DHRSX: variants seen among roughly 807,000 people sequenced by gnomAD.
DHRSX encodes the protein polyprenol dehydrogenase.
DHRSX carries 31 observed loss-of-function variants against 34.0 expected under a neutral mutation model. That is an observed-to-expected ratio of 0.91 (90% CI 0.69 to 1.23). DHRSX has a LOEUF of 1.23. Among genes scored for constraint, DHRSX ranks in the 50% most tolerant of loss-of-function variants. The pLI is 0.00. For synonymous variants in DHRSX, 201 were observed against 183.8 expected (o/e 1.09, Z -0.76); for missense variants, 414 against 428.1 (o/e 0.97, Z 0.29).
rs1279891880 is a variant in DHRSX, at chrX:2,302,611, A to AT, written c.287-11009_287-11008insA. 1.0e-3 allele frequency among the ~76,000 whole-genome samples: 145 copies of AT among 140,234 alleles called. 1 individual carries two copies. The highest frequency in any genetic ancestry group is 3.2e-3 in the African/African-American group (120 of 37,278). The allele number at this position is 140,234 out of a possible 152,430, so 92.0% of individuals were successfully genotyped here. A position where few individuals can be genotyped will look rare whatever the true frequency, so the allele number is the denominator to read the frequency against. The stretch of plus-strand genomic sequence containing the variant: ...TGGGTGACAGAGCCAGACTGTCTCA[A>AT]AAAATAAATAAATAAATAAATAAAG... On this transcript the variant is annotated intron_variant, in intron 3 of 6. Transcript: ENST00000334651.
rs780880457 is a variant in DHRSX at position 2,243,243 on chromosome X, C to T, written c.597-13G>A. On this transcript the variant is annotated splice_polypyrimidine_tract_variant and intron_variant, in intron 5 of 6. Coordinates refer to ENST00000334651, the MANE Select transcript of DHRSX (RefSeq NM_145177.3). ...TGAGTAGCAGGCACTGTGGGGCAAGCAGGAGAAGGTGTAAGAGGCTGACGG... is the reference window on the plus strand; with the variant it reads ...TGAGTAGCAGGCACTGTGGGGCAAGTAGGAGAAGGTGTAAGAGGCTGACGG... The T allele has an allele frequency of 6.2e-6, 10 of 1,612,444 alleles. No homozygotes were observed. The highest frequency in any genetic ancestry group is 1.7e-4 in the Middle Eastern group (1 of 5,890).
chrX:2,490,443 C>A, intron 1 of DHRSX: 1 of 1,613,936 alleles, frequency 6.2e-7, no homozygotes, highest in Non-Finnish European at 8.5e-7. Flanking sequence ...TTGGAGAAGG[C>A]GGTGGCGAAG....
intron 6 of DHRSX, among the ~76,000 whole-genome samples, chrX:2,230,250 C>T (rs771316865): frequency 3.9e-5 from 6 of 152,268 alleles, no homozygotes; most frequent in African/African-American, 9.6e-5. Flanking sequence ...CACATGTGTA[C>T]GTGCACACAC....
At chrX:2,259,101 C>T (rs1414109057) in intron 5 of DHRSX, among the ~76,000 whole-genome samples, 2 of 151,952 alleles carry the variant, frequency 1.3e-5, no homozygotes, top group Non-Finnish European at 1.5e-5. Context: ...GGTGAACCCC[C>T]GTCTCTACTA....
chrX:2,390,513 C>T (rs2043323621), intron 3 of DHRSX, among the ~76,000 whole-genome samples: 1 of 151,998 alleles, frequency 6.6e-6, no homozygotes, highest in Non-Finnish European at 1.5e-5. Context: ...ACCATTTTTA[C>T]GTACACAGTA....
chrX:2,313,001 T>C (rs1384523244), intron 3 of DHRSX, among the ~76,000 whole-genome samples: 1 of 101,754 alleles, frequency 9.8e-6, no homozygotes, highest in Non-Finnish European at 2.0e-5. Context: ...AGCTTCAAGA[T>C]ATATATTTTT....
At chrX:2,334,164 A>G (rs1428568031) in intron 3 of DHRSX, 1 of 53,428 alleles carries the variant, frequency 1.9e-5, no homozygotes, top group African/African-American at 9.9e-5. Context: ...TTAACTCAAA[A>G]GTATGCTTTT....
intron 3 of DHRSX, among the ~76,000 whole-genome samples, chrX:2,320,231 C>A (rs375643218): frequency 2.6e-5 from 4 of 150,958 alleles, no homozygotes; most frequent in African/African-American, 9.7e-5. Flanking sequence ...TTACATATTG[C>A]GCTGTTGTGG....
intron 3 of DHRSX, among the ~76,000 whole-genome samples, chrX:2,324,116 A>G (rs1465275970): frequency 1.3e-5 from 2 of 152,122 alleles, no homozygotes; most frequent in Non-Finnish European, 2.9e-5. Context: ...TTTGTAATTA[A>G]AAGTAATTTC....
At chrX:2,450,753 T>C (rs1356274214) in intron 1 of DHRSX, among the ~76,000 whole-genome samples, 3 of 151,870 alleles carry the variant, frequency 2.0e-5, no homozygotes, top group East Asian at 1.9e-4. Context: ...AGCTTAACTA[T>C]TACTGTATGT....
At chrX:2,285,307 A>G (rs1236636039) in intron 4 of DHRSX, among the ~76,000 whole-genome samples, 2 of 152,098 alleles carry the variant, frequency 1.3e-5, no homozygotes, top group African/African-American at 4.8e-5. Flanking sequence ...TCTGGGGGTG[A>G]TGGGAGACAG....
chrX:2,356,773 C>G (rs28727945), intron 3 of DHRSX, among the ~76,000 whole-genome samples: 1 of 152,202 alleles, frequency 6.6e-6, no homozygotes, highest in African/African-American at 2.4e-5. Flanking sequence ...AATGTAGTTT[C>G]TCTTTCTCAT....
chrX:2,375,012 G>GTGAGCCAGATAGCACCACTA (rs1469733661), intron 3 of DHRSX, among the ~76,000 whole-genome samples: 1 of 138,022 alleles, frequency 7.2e-6, no homozygotes, highest in Non-Finnish European at 1.7e-5. Context: ...AGAGGCTGCA[G>GTGAGCCAGATAGCACCACTA]TGAGCCAGAT....
At chrX:2,298,616 A>ACGCACG (rs1556457303) in intron 3 of DHRSX, among the ~76,000 whole-genome samples, 2 of 138,372 alleles carry the variant, frequency 1.4e-5, no homozygotes, top group African/African-American at 6.7e-5. Context: ...ACACACACAC[A>ACGCACG]CACACACACA....
At chrX:2,353,755 G>GT (rs60499171) in intron 3 of DHRSX, among the ~76,000 whole-genome samples, 24 of 150,716 alleles carry the variant, frequency 1.6e-4, no homozygotes, top group African/African-American at 3.2e-4. Context: ...AGCTAATTTT[G>GT]TTTTTTTTTA....
intron 4 of DHRSX, among the ~76,000 whole-genome samples, chrX:2,272,368 G>A (rs2041569282): frequency 6.6e-6 from 1 of 152,134 alleles, no homozygotes; most frequent in Non-Finnish European, 1.5e-5. Flanking sequence ...TGCATGCATG[G>A]TTTTGAAAGG....
chrX:2,282,347 A>G (rs750807152), intron 4 of DHRSX, among the ~76,000 whole-genome samples: 41 of 108,904 alleles, frequency 3.8e-4, no homozygotes, highest in Admixed American at 9.3e-4. Flanking sequence ...ACGAGAAAGG[A>G]AGAGAGAAGG....
At chrX:2,273,930 A>T (rs66968308) in intron 4 of DHRSX, among the ~76,000 whole-genome samples, 10 of 152,020 alleles carry the variant, frequency 6.6e-5, no homozygotes, top group Admixed American at 5.9e-4. Flanking sequence ...AAGCTGCGTG[A>T]GAATTCCTGC....
At chrX:2,271,198 A>T (rs1031075011) in intron 4 of DHRSX, among the ~76,000 whole-genome samples, 1 of 152,230 alleles carries the variant, frequency 6.6e-6, no homozygotes. Context: ...AACCCACCAG[A>T]AGGAAAAAAC....
Sources: allele counts gnomAD v4.1 joint callset (sites outside exome capture counted in the v4.1 genomes callset), GRCh38; gene constraint gnomAD v4.1.1; transcripts MANE v1.5; gene names NCBI Gene and HGNC (gene_info 2026-07-23, HGNC 2026-07-21).